The following CDH8 variants were observed in gnomAD, a reference collection of about 807,000 sequenced individuals.
CDH8 encodes the protein cadherin-8.
In CDH8, 17 loss-of-function variants were observed where a neutral mutation model predicts 68.1. The ratio of observed to expected loss-of-function variants is 0.25; its 90% confidence interval spans 0.17 to 0.37. CDH8 has a LOEUF of 0.37. Ranked by LOEUF, CDH8 falls within the 10% of genes least tolerant of loss-of-function variation. CDH8 has a pLI of 1.00. For missense variants in CDH8, 763 were observed against 999.3 expected (o/e 0.76, Z 3.19); for synonymous variants, 372 against 365.1 (o/e 1.02, Z -0.21).
intron 2 of CDH8, among the ~76,000 whole-genome samples, chr16:61,998,453 G>A (rs942407108): frequency 2.6e-5 from 4 of 152,110 alleles, no homozygotes; most frequent in African/African-American, 9.7e-5. Flanking sequence ...GAAGAATTGG[G>A]TATTTTAACA....
chr16:61,888,977 G>A (rs1963726652), intron 3 of CDH8, among the ~76,000 whole-genome samples: 1 of 152,046 alleles, frequency 6.6e-6, no homozygotes, highest in South Asian at 2.1e-4. Flanking sequence ...CCTGACAAAA[G>A]GAAAATGAAT....
At chr16:61,750,151 GA>G (rs1367869928) in intron 8 of CDH8, among the ~76,000 whole-genome samples, 1 of 152,050 alleles carries the variant, frequency 6.6e-6, no homozygotes, top group Non-Finnish European at 1.5e-5. Flanking sequence ...TTATAAGTGA[GA>G]AAATGTGGTA....
chr16:61,658,143 G>C (rs570492022), intron 10 of CDH8, among the ~76,000 whole-genome samples: 23 of 151,752 alleles, frequency 1.5e-4, no homozygotes, highest in African/African-American at 5.6e-4. Flanking sequence ...CAATTTACTT[G>C]AGTTCTTTCA....
At chr16:61,912,605 G>A (rs1964179463) in intron 2 of CDH8, among the ~76,000 whole-genome samples, 3 of 152,090 alleles carry the variant, frequency 2.0e-5, no homozygotes, top group African/African-American at 4.8e-5. Context: ...ATGGCAGCAT[G>A]ACTAACTAAA....
chr16:61,845,216 T>G (rs1962777565), intron 4 of CDH8, among the ~76,000 whole-genome samples: 1 of 152,068 alleles, frequency 6.6e-6, no homozygotes, highest in Non-Finnish European at 1.5e-5. Flanking sequence ...AGCAAGAAAA[T>G]AAAATCTGCT....
At chr16:61,931,865 A>G (rs1156385154) in intron 2 of CDH8, among the ~76,000 whole-genome samples, 1 of 152,184 alleles carries the variant, frequency 6.6e-6, no homozygotes, top group Non-Finnish European at 1.5e-5. Context: ...GCACATATAC[A>G]CAGATCTAAC....
intron 4 of CDH8, among the ~76,000 whole-genome samples, chr16:61,854,679 A>G (rs1963008788): frequency 6.6e-6 from 1 of 152,168 alleles, no homozygotes; most frequent in African/African-American, 2.4e-5. Flanking sequence ...TACAGACTTT[A>G]AAATCTAAAT....
At chr16:61,978,708 G>C (rs1240483871) in intron 2 of CDH8, among the ~76,000 whole-genome samples, 1 of 152,122 alleles carries the variant, frequency 6.6e-6, no homozygotes, top group African/African-American at 2.4e-5. Flanking sequence ...TATGTTGTAA[G>C]TGATCCAAAT....
intron 2 of CDH8, among the ~76,000 whole-genome samples, chr16:61,955,327 G>A (rs1358256912): frequency 6.6e-6 from 1 of 152,106 alleles, no homozygotes. Context: ...TGGCCAAAGG[G>A]GCCAGCTGTT....
rs75517374 is a variant in CDH8 at position 61,847,936 on chromosome 16, A to G, written c.667+9183T>C. Among the ~76,000 whole-genome samples the G allele has an allele frequency of 1.5e-3, 233 of 151,894 alleles. 6 individuals carry two copies. The East Asian group carries it at 0.022, about 14-fold the overall frequency. On this transcript the variant is annotated intron_variant, in intron 4 of 11. Coordinates refer to ENST00000577390, the MANE Select transcript of CDH8 (RefSeq NM_001796.5). The stretch of plus-strand genomic sequence containing the variant: ...ACACACACACACACTTTTTTATTGT[A>G]AAAGGAGTTATTACAAGTTAACATC...
intron 3 of CDH8, among the ~76,000 whole-genome samples, chr16:61,883,945 T>A (rs1510161): frequency 0.54 from 81,927 of 151,700 alleles, 24,521 homozygotes; most frequent in African/African-American, 0.82. Context: ...AGCAGAACAG[T>A]AAACAGTAGA....
intron 3 of CDH8, among the ~76,000 whole-genome samples, chr16:61,876,069 G>T (rs1963453513): frequency 6.6e-6 from 1 of 152,016 alleles, no homozygotes; most frequent in Non-Finnish European, 1.5e-5. Context: ...TAGAGACAGG[G>T]TTTCACCATG....
intron 8 of CDH8, among the ~76,000 whole-genome samples, chr16:61,782,474 T>A (rs1347803582): frequency 6.6e-6 from 1 of 151,718 alleles, no homozygotes; most frequent in Non-Finnish European, 1.5e-5. Flanking sequence ...AGCACAGCAG[T>A]CTGAGATCAA....
At chr16:61,774,061 ATTAGGGAGTCCTGGAATCAG>A (rs2142989352) in intron 8 of CDH8, among the ~76,000 whole-genome samples, 1 of 152,120 alleles carries the variant, frequency 6.6e-6, no homozygotes, top group East Asian at 1.9e-4. Flanking sequence ...TAAGCTTTGG[ATTAGGGAGTCCTGGAATCAG>A]AAAACATGCT....
intron 3 of CDH8, among the ~76,000 whole-genome samples, chr16:61,874,327 T>C (rs1048388605): frequency 3.9e-5 from 6 of 152,094 alleles, no homozygotes; most frequent in Admixed American, 3.3e-4. Flanking sequence ...TGATATTTTC[T>C]TTTTTTCGTT....
At chr16:61,975,656 T>C (rs1314700686) in intron 2 of CDH8, among the ~76,000 whole-genome samples, 1 of 152,222 alleles carries the variant, frequency 6.6e-6, no homozygotes, top group African/African-American at 2.4e-5. Context: ...TAGTAAATAG[T>C]GGTTATAAAT....
chr16:62,006,325 A>G (rs759720242), intron 2 of CDH8, among the ~76,000 whole-genome samples: 1 of 152,236 alleles, frequency 6.6e-6, no homozygotes, highest in South Asian at 2.1e-4. Context: ...AGAACCAAGT[A>G]AACTGAGGGA....
At chr16:62,015,385 T>C (rs565413947) in intron 2 of CDH8, among the ~76,000 whole-genome samples, 3 of 152,222 alleles carry the variant, frequency 2.0e-5, no homozygotes, top group Non-Finnish European at 4.4e-5. Flanking sequence ...TCAATGAACA[T>C]GTGGGGCATG....
intron 2 of CDH8, among the ~76,000 whole-genome samples, chr16:61,973,725 G>A (rs1965384435): frequency 6.6e-6 from 1 of 152,194 alleles, no homozygotes; most frequent in South Asian, 2.1e-4. Flanking sequence ...ATATCCTGAA[G>A]GATGATCTAA....
Sources: allele counts gnomAD v4.1 joint callset (sites outside exome capture counted in the v4.1 genomes callset), GRCh38; gene constraint gnomAD v4.1.1; transcripts MANE v1.5; gene names NCBI Gene and HGNC (gene_info 2026-07-23, HGNC 2026-07-21).